SPPL3: variants seen among roughly 807,000 people sequenced by gnomAD.
The protein encoded by SPPL3 is signal peptide peptidase like 3, also known as signal peptide peptidase-like 3.
A neutral mutation model predicts 42.4 loss-of-function variants in SPPL3; 5 were observed. That is an observed-to-expected ratio of 0.12 (90% CI 0.06 to 0.25). The LOEUF (loss-of-function observed/expected upper bound fraction) is 0.25. Among genes scored for constraint, SPPL3 ranks in the 10% least tolerant of loss-of-function variants. The probability of loss-of-function intolerance (pLI) is 1.00; values close to 1 mark genes in which losing one functional copy is unlikely to be tolerated. For missense variants in SPPL3, 235 were observed against 489.0 expected, an observed-to-expected ratio of 0.48 and a Z score of 4.90; for synonymous variants, 195 against 181.8, an observed-to-expected ratio of 1.07 and a Z score of -0.58.
chr12:120,859,512 T>G (rs533047935), intron 1 of SPPL3, among the ~76,000 whole-genome samples: 1 of 152,338 alleles, frequency 6.6e-6, no homozygotes, highest in Admixed American at 6.5e-5. Context: ...AAAGTTTTTG[T>G]TTTTTCAAAC....
Position 120,763,453 on chromosome 12 carries a change from T to C in SPPL3, c.*1546A>G, listed in dbSNP as rs1240960957. 6.5e-6 allele frequency: 1 copy of C among 152,780 alleles called. No individual in the cohort carries two copies. Among genetic ancestry groups the C allele is most frequent in the East Asian group, 1.9e-4 (1 of 5,206 alleles). The allele number at this position is 152,780 out of a possible 1,614,324, so 9.5% of individuals were successfully genotyped here. A position where few individuals can be genotyped will look rare whatever the true frequency, so the allele number is the denominator to read the frequency against. On this transcript the variant is annotated 3_prime_UTR_variant, in exon 11 of 11. Coordinates refer to ENST00000353487, the MANE Select transcript of SPPL3 (RefSeq NM_139015.5). ...AGGCAGCCACTGGGGCGGGGACCCT[T>C]GGGGAGAGGCTGGAACTCAGGGCCC...
Position 120,894,905 on chromosome 12 carries a change from C to A in SPPL3, c.23+8940G>T, listed in dbSNP as rs957351270. 1.1e-4 allele frequency among the ~76,000 whole-genome samples: 17 copies of A among 151,968 alleles called. 1 individual carries two copies. The highest frequency in any genetic ancestry group is 2.1e-4 in the Non-Finnish European group (14 of 67,986). On this transcript the variant is annotated intron_variant, in intron 1 of 10. Coordinates refer to ENST00000353487, the MANE Select transcript of SPPL3 (RefSeq NM_139015.5). ...GAGGCTGCAGTGAGCTGAGATCGTG[C>A]CACCGCACTCCAGCCCGGGCAACAG... is the stretch of plus-strand genomic sequence containing the variant.
intron 1 of SPPL3, among the ~76,000 whole-genome samples, chr12:120,864,003 C>T (rs1320277994): frequency 6.6e-6 from 1 of 151,992 alleles, no homozygotes; most frequent in African/African-American, 2.4e-5. Flanking sequence ...TAAAGGTTAG[C>T]TCCAATGTAA....
intron 3 of SPPL3, among the ~76,000 whole-genome samples, chr12:120,788,610 C>T (rs1211822969): frequency 6.6e-6 from 1 of 152,174 alleles, no homozygotes; most frequent in Non-Finnish European, 1.5e-5. Context: ...AGTAACCCTT[C>T]ACCCACGTAC....
intron 1 of SPPL3, among the ~76,000 whole-genome samples, chr12:120,894,248 C>T (rs540544710): frequency 2.1e-4 from 32 of 152,242 alleles, no homozygotes; most frequent in Admixed American, 9.8e-4. Flanking sequence ...CACTTGAACC[C>T]GGGAGGCAGA....
intron 1 of SPPL3, among the ~76,000 whole-genome samples, chr12:120,898,733 T>C (rs535046108): frequency 1.3e-5 from 2 of 152,314 alleles, no homozygotes; most frequent in South Asian, 4.1e-4. Flanking sequence ...CAGATAATCT[T>C]CCCTTTGAGC....
chr12:120,882,171 G>GT (rs1873306186), intron 1 of SPPL3, among the ~76,000 whole-genome samples: 1 of 152,012 alleles, frequency 6.6e-6, no homozygotes, highest in Non-Finnish European at 1.5e-5. Context: ...CTACCCACCA[G>GT]TTTGACATTT....
chr12:120,832,795 G>A (rs919339574), intron 1 of SPPL3, among the ~76,000 whole-genome samples: 1 of 152,158 alleles, frequency 6.6e-6, no homozygotes, highest in Non-Finnish European at 1.5e-5. Context: ...CATATAGGAG[G>A]CCTGTTTCCA....
At chr12:120,768,552 C>A (rs1868991226) in intron 7 of SPPL3, 64 bp from the exon 8 acceptor site, 3 of 1,525,058 alleles carry the variant, frequency 2.0e-6, no homozygotes, top group African/African-American at 2.7e-5. Context: ...CAGCATCAGC[C>A]CTCCTTGCTC....
intron 1 of SPPL3, among the ~76,000 whole-genome samples, chr12:120,842,128 G>A (rs1298690961): frequency 1.3e-5 from 2 of 152,176 alleles, no homozygotes; most frequent in Admixed American, 1.3e-4. Flanking sequence ...AAAATAAATG[G>A]TTTAAAATTG....
At chr12:120,806,382 C>T (rs938683380) in intron 2 of SPPL3, among the ~76,000 whole-genome samples, 1 of 151,664 alleles carries the variant, frequency 6.6e-6, no homozygotes, top group Non-Finnish European at 1.5e-5. Flanking sequence ...GACAACGGTG[C>T]CAAGGTAATT....
Position 120,882,800 on chromosome 12 carries a change from G to A in SPPL3, c.23+21045C>T, listed in dbSNP as rs74412298. On this transcript the variant is annotated intron_variant, in intron 1 of 10. Coordinates refer to ENST00000353487, the MANE Select transcript of SPPL3 (RefSeq NM_139015.5). The stretch of plus-strand genomic sequence containing the variant: ...ACCCAGTGCTGTGGGAAGCCAAGGC[G>A]AAAGATTGCTTGAGGCTAGGAGTTC... Among the ~76,000 whole-genome samples the A allele has an allele frequency of 3.5e-3, 527 of 152,212 alleles. 4 individuals carry two copies. The highest frequency in any genetic ancestry group is 0.012 in the African/African-American group (504 of 41,482).
At chr12:120,793,976 T>G (rs1482718127) in intron 2 of SPPL3, among the ~76,000 whole-genome samples, 2 of 152,228 alleles carry the variant, frequency 1.3e-5, no homozygotes, top group African/African-American at 4.8e-5. Flanking sequence ...TGCCTAATTA[T>G]TCTATTATTG....
intron 8 of SPPL3, 97 bp downstream of exon 8, chr12:120,768,227 GT>G: frequency 7.0e-7 from 1 of 1,418,924 alleles, no homozygotes; most frequent in Non-Finnish European, 9.4e-7. Context: ...ATGGCCCCAG[GT>G]TGGGATCAGA....
intron 8 of SPPL3, 59 bp downstream of exon 8, chr12:120,768,265 AG>A (rs1265109976): frequency 1.2e-5 from 18 of 1,548,828 alleles, no homozygotes; most frequent in Non-Finnish European, 1.5e-5. Context: ...AGACTGATCA[AG>A]GCCGGGAACA....
At chr12:120,808,085 T>C (rs924011984) in intron 2 of SPPL3, among the ~76,000 whole-genome samples, 1 of 129,890 alleles carries the variant, frequency 7.7e-6, no homozygotes, top group Non-Finnish European at 1.5e-5. Flanking sequence ...TAGTTTCTTT[T>C]CTTTTTTTTT....
intron 1 of SPPL3, among the ~76,000 whole-genome samples, chr12:120,886,623 C>T (rs1010645606): frequency 6.6e-6 from 1 of 152,144 alleles, no homozygotes; most frequent in African/African-American, 2.4e-5. Context: ...TTTAACTGCT[C>T]GCAACCAAAA....
At chr12:120,831,645 G>A (rs576969152) in intron 1 of SPPL3, among the ~76,000 whole-genome samples, 2 of 152,194 alleles carry the variant, frequency 1.3e-5, no homozygotes, top group South Asian at 2.1e-4. Flanking sequence ...CCACTAATAG[G>A]TGTGTGCTTA....
intron 1 of SPPL3, among the ~76,000 whole-genome samples, chr12:120,887,597 G>T (rs1278673104): frequency 6.6e-6 from 1 of 152,154 alleles, no homozygotes; most frequent in Non-Finnish European, 1.5e-5. Context: ...ATTCCAGCAC[G>T]CAAAAGAAAT....
Sources: allele counts gnomAD v4.1 joint callset (sites outside exome capture counted in the v4.1 genomes callset), GRCh38; gene constraint gnomAD v4.1.1; transcripts MANE v1.5; gene names NCBI Gene and HGNC (gene_info 2026-07-23, HGNC 2026-07-21).